KCND2: variants seen among roughly 807,000 people sequenced by gnomAD.
KCND2 encodes A-type voltage-gated potassium channel KCND2.
A neutral mutation model predicts 54.4 loss-of-function variants in KCND2; 16 were observed. The ratio of observed to expected loss-of-function variants is 0.29; its 90% confidence interval spans 0.20 to 0.45. The LOEUF (loss-of-function observed/expected upper bound fraction) is 0.45. Ranked by LOEUF, KCND2 falls within the 20% of genes least tolerant of loss-of-function variation. The pLI, the probability that KCND2 is intolerant of heterozygous loss-of-function variation, is 1.00. For synonymous variants in KCND2, 317 were observed against 310.7 expected (o/e 1.02, Z -0.21); for missense variants, 486 against 824.2 (o/e 0.59, Z 5.02).
At chr7:120,522,226 G>T (rs751099559) in intron 1 of KCND2, among the ~76,000 whole-genome samples, 73 of 152,142 alleles carry the variant, frequency 4.8e-4, no homozygotes, top group Non-Finnish European at 9.1e-4. Flanking sequence ...CTGCAGTCCT[G>T]TATGTTAGCT....
intron 1 of KCND2, among the ~76,000 whole-genome samples, chr7:120,290,548 A>G (rs1799419604): frequency 6.6e-6 from 1 of 151,948 alleles, no homozygotes; most frequent in Non-Finnish European, 1.5e-5. Context: ...ATTTCAAACA[A>G]TAATTTCCAG....
chr7:120,354,074 A>G (rs1379564797), intron 1 of KCND2, among the ~76,000 whole-genome samples: 1 of 152,216 alleles, frequency 6.6e-6, no homozygotes, highest in Non-Finnish European at 1.5e-5. Flanking sequence ...TTGTCTCAAG[A>G]GTAAAACACT....
chr7:120,598,039 G>A (rs1026972326), intron 1 of KCND2, among the ~76,000 whole-genome samples: 3 of 150,876 alleles, frequency 2.0e-5, no homozygotes, highest in African/African-American at 7.3e-5. Context: ...TGAAAAATGT[G>A]ACTTTTCCTT....
intron 1 of KCND2, among the ~76,000 whole-genome samples, chr7:120,309,418 T>G (rs893381927): frequency 3.5e-5 from 5 of 141,724 alleles, no homozygotes; most frequent in African/African-American, 1.3e-4. Context: ...TGAGAATGAG[T>G]TTCTCTGGTA....
At position 120,607,766 on chromosome 7, in the gene KCND2, G is replaced by T. The variant is rs564020198; in HGVS notation, c.1116-125137G>T. Among the ~76,000 whole-genome samples the T allele has an allele frequency of 8.5e-4, 130 of 152,170 alleles. 1 individual carries two copies. Among genetic ancestry groups the T allele is most frequent in the Non-Finnish European group, 1.4e-3 (97 of 67,960 alleles). ...AATAAGTAGGGGAAGATACACAAGG[G>T]CTGTGGTGTAAATTCTAGATATAGC... is the stretch of plus-strand genomic sequence containing the variant. On this transcript the variant is annotated intron_variant, in intron 1 of 5. Transcript: ENST00000331113.
chr7:120,376,021 C>T (rs971774797), intron 1 of KCND2, among the ~76,000 whole-genome samples: 3 of 151,708 alleles, frequency 2.0e-5, no homozygotes, highest in African/African-American at 7.3e-5. Context: ...CAGAGCCACA[C>T]CCTTGATAAA....
intron 1 of KCND2, among the ~76,000 whole-genome samples, chr7:120,708,949 A>G (rs1261059981): frequency 1.3e-5 from 2 of 152,144 alleles, no homozygotes; most frequent in Non-Finnish European, 2.9e-5. Flanking sequence ...TAAATAAATA[A>G]TGAGAAAACT....
intron 1 of KCND2, among the ~76,000 whole-genome samples, chr7:120,624,083 A>G (rs1053888111): frequency 5.3e-5 from 8 of 152,226 alleles, no homozygotes; most frequent in African/African-American, 1.7e-4. Flanking sequence ...AAAATTGTCA[A>G]TGGCAAAGAA....
chr7:120,570,840 C>G (rs1358977339), intron 1 of KCND2, among the ~76,000 whole-genome samples: 1 of 152,152 alleles, frequency 6.6e-6, no homozygotes, highest in Non-Finnish European at 1.5e-5. Context: ...ATTCTTAAAG[C>G]TAAGGGTGAC....
At chr7:120,433,173 A>G (rs1031941514) in intron 1 of KCND2, among the ~76,000 whole-genome samples, 1 of 152,092 alleles carries the variant, frequency 6.6e-6, no homozygotes, top group African/African-American at 2.4e-5. Flanking sequence ...CTTCTCAGAG[A>G]TTTCATATTT....
intron 1 of KCND2, among the ~76,000 whole-genome samples, chr7:120,586,445 T>C (rs1792601708): frequency 6.6e-6 from 1 of 152,186 alleles, no homozygotes; most frequent in Admixed American, 6.5e-5. Flanking sequence ...ATCAAACTTG[T>C]AAGATAAGGT....
chr7:120,702,919 C>A lies in KCND2; in HGVS notation c.1116-29984C>A, dbSNP rs1584889826. Among the ~76,000 whole-genome samples, 7 of 152,012 alleles carry A rather than the reference C, an allele frequency of 4.6e-5. No individual in the cohort carries two copies. The South Asian group carries it at 1.5e-3, about 32-fold the overall frequency. On this transcript the variant is annotated intron_variant, in intron 1 of 5. Coordinates refer to ENST00000331113, the MANE Select transcript of KCND2 (RefSeq NM_012281.3). The stretch of plus-strand genomic sequence containing the variant: ...CTATATAACAAACCTGCACATGTAC[C>A]CCTGAATTTAAAATAAAAGTTAAAA...
chr7:120,642,347 C>T (rs1793386860), intron 1 of KCND2, among the ~76,000 whole-genome samples: 1 of 149,506 alleles, frequency 6.7e-6, no homozygotes, highest in Non-Finnish European at 1.5e-5. Flanking sequence ...GTCAGGAGTT[C>T]CAGGAGTTCG....
At chr7:120,354,772 GAAAGAAAAGA>G (rs761263518) in intron 1 of KCND2, among the ~76,000 whole-genome samples, 2 of 151,990 alleles carry the variant, frequency 1.3e-5, no homozygotes, top group African/African-American at 4.8e-5. Flanking sequence ...AAAGAAAACA[GAAAGAAAAGA>G]AAAGAAAAGC....
At chr7:120,728,574 A>G (rs967585752) in intron 1 of KCND2, among the ~76,000 whole-genome samples, 1 of 151,984 alleles carries the variant, frequency 6.6e-6, no homozygotes, top group African/African-American at 2.4e-5. Context: ...ACAGCCGTGA[A>G]CCATTACACC....
At chr7:120,527,586 G>C (rs73437856) in intron 1 of KCND2, among the ~76,000 whole-genome samples, 4,050 of 152,034 alleles carry the variant, frequency 0.027, 158 homozygotes, top group African/African-American at 0.091. Context: ...GTCAGATCCT[G>C]CTGCTCGTTC....
intron 1 of KCND2, among the ~76,000 whole-genome samples, chr7:120,598,841 A>T (rs772843594): frequency 6.6e-6 from 1 of 152,172 alleles, no homozygotes; most frequent in Admixed American, 6.5e-5. Flanking sequence ...ATAGGCAAAT[A>T]ATCCATCAGT....
chr7:120,684,199 C>T (rs754652220), intron 1 of KCND2, among the ~76,000 whole-genome samples: 5 of 152,182 alleles, frequency 3.3e-5, no homozygotes, highest in African/African-American at 4.8e-5. Context: ...GCTAGTGTGG[C>T]GTTATTCCTG....
At chr7:120,315,130 A>G (rs1203028449) in intron 1 of KCND2, among the ~76,000 whole-genome samples, 2 of 152,142 alleles carry the variant, frequency 1.3e-5, no homozygotes, top group Non-Finnish European at 2.9e-5. Context: ...AGCATCTATT[A>G]ATATGATTTA....
Sources: allele counts gnomAD v4.1 joint callset (sites outside exome capture counted in the v4.1 genomes callset), GRCh38; gene constraint gnomAD v4.1.1; transcripts MANE v1.5; gene names NCBI Gene and HGNC (gene_info 2026-07-23, HGNC 2026-07-21).